The following BIN2 variants were observed in gnomAD, a reference collection of about 807,000 sequenced individuals.
BIN2 encodes the protein breast cancer associated protein BRAP1.
In BIN2, 43 loss-of-function variants were observed where a neutral mutation model predicts 67.9. The ratio of observed to expected loss-of-function variants is 0.63; its 90% CI spans 0.50 to 0.82. The LOEUF (loss-of-function observed/expected upper bound fraction) is 0.82. Ranked by LOEUF, BIN2 falls within the 40% of genes least tolerant of loss-of-function variation. BIN2 has a pLI of 0.00. For missense variants in BIN2, 581 were observed against 671.6 expected, an observed-to-expected ratio of 0.87 and a Z score of 1.49; for synonymous variants, 244 against 246.8, an observed-to-expected ratio of 0.99 and a Z score of 0.11.
intron 1 of BIN2, among the ~76,000 whole-genome samples, chr12:51,320,364 A>G (rs893815594): frequency 4.6e-5 from 7 of 152,262 alleles, no homozygotes; most frequent in Middle Eastern, 3.4e-3. Context: ...AGCTTTCCTT[A>G]AAAGGTCCTA....
chr12:51,297,184 C>T lies in BIN2; in HGVS notation c.603-20G>A, dbSNP rs1211090152. On this transcript the variant is annotated intron_variant, in intron 7 of 12. Transcript: ENST00000615107. ...ATACGACTATTAGGAAGCAAAACCACAAACACATACGAGTAAGGCATGGGA... is the reference window on the plus strand; with the variant it reads ...ATACGACTATTAGGAAGCAAAACCATAAACACATACGAGTAAGGCATGGGA... 2 of 1,601,410 alleles carry T rather than the reference C, an allele frequency of 1.2e-6. No homozygotes were observed. The highest frequency in any genetic ancestry group is 2.7e-5 in the African/African-American group (2 of 74,644).
At chr12:51,300,092 C>T (rs1447287327) in intron 5 of BIN2, among the ~76,000 whole-genome samples, 1 of 152,080 alleles carries the variant, frequency 6.6e-6, no homozygotes, top group African/African-American at 2.4e-5. Context: ...CCCACCTCGG[C>T]CTCCCAAAGT....
At chr12:51,316,692 A>T (rs1946143948) in intron 1 of BIN2, among the ~76,000 whole-genome samples, 1 of 152,026 alleles carries the variant, frequency 6.6e-6, no homozygotes, top group Non-Finnish European at 1.5e-5. Flanking sequence ...TCTTTCTAGA[A>T]TGCCTTTCCT....
rs1945411458 is a variant in BIN2 at position 51,292,355 on chromosome 12, A to G, written c.762-11T>C. 6.4e-7 allele frequency: 1 copy of G among 1,558,920 alleles called. No individual in the cohort carries two copies. ...GAGCGCCTGCTGCTGCTAAAAAAGG[A>G]AGGTGTTCAGATTCAGAACGGCTAA... On this transcript the variant is annotated splice_polypyrimidine_tract_variant and intron_variant, in intron 9 of 12. Transcript: ENST00000615107.
At chr12:51,303,844 A>G (rs907489327) in intron 2 of BIN2, among the ~76,000 whole-genome samples, 1 of 152,214 alleles carries the variant, frequency 6.6e-6, no homozygotes, top group African/African-American at 2.4e-5. Flanking sequence ...TGCTTTTGTT[A>G]TAACTCTGAC....
chr12:51,299,300 A>C lies in BIN2; in HGVS notation c.517-12T>G. ...AACTCTTCCTCTGCCTAGGTGGTAAAAGAGACAAGACAATCTCCCTCAATT... is the reference window on the plus strand; with the variant it reads ...AACTCTTCCTCTGCCTAGGTGGTAACAGAGACAAGACAATCTCCCTCAATT... On this transcript the variant is annotated splice_polypyrimidine_tract_variant and intron_variant, in intron 6 of 12. Transcript: ENST00000615107. 1.2e-6 allele frequency: 2 copies of C among 1,608,008 alleles called. No individual in the cohort carries two copies. Among genetic ancestry groups the C allele is most frequent in the Non-Finnish European group, 1.7e-6 (2 of 1,174,540 alleles).
At chr12:51,285,375 T>C (rs1336525626) in intron 11 of BIN2, among the ~76,000 whole-genome samples, 1 of 151,664 alleles carries the variant, frequency 6.6e-6, no homozygotes, top group Admixed American at 6.6e-5. Flanking sequence ...AGGCCAGGAG[T>C]ATCAAGGTTG....
chr12:51,303,217 G>T, intron 2 of BIN2, 76 bp from the exon 3 acceptor site: 1 of 1,447,124 alleles, frequency 6.9e-7, no homozygotes, highest in Non-Finnish European at 9.7e-7. Context: ...AAGTCAAAAA[G>T]TAGGTTAAGA....
chr12:51,285,335 C>T (rs990798194), intron 11 of BIN2, among the ~76,000 whole-genome samples: 1 of 152,084 alleles, frequency 6.6e-6, no homozygotes, highest in African/African-American at 2.4e-5. Context: ...GTCCCAGCTC[C>T]TTGAGAGGCT....
intron 1 of BIN2, 97 bp downstream of exon 1, chr12:51,323,925 G>A: frequency 2.0e-6 from 3 of 1,479,744 alleles, no homozygotes; most frequent in Non-Finnish European, 1.8e-6. Context: ...ACCCTTCGGG[G>A]CCCCTGAGCA....
At chr12:51,314,117 G>A (rs1592279394) in intron 1 of BIN2, among the ~76,000 whole-genome samples, 1 of 151,658 alleles carries the variant, frequency 6.6e-6, no homozygotes, top group East Asian at 1.9e-4. Flanking sequence ...GCACGATCTC[G>A]GCTCACTGCA....
At chr12:51,295,601 T>A (rs1489807884) in intron 9 of BIN2, among the ~76,000 whole-genome samples, 195 bp downstream of exon 9, 408 of 19,378 alleles carry the variant, frequency 0.021, 55 homozygotes, top group Middle Eastern at 0.038. Flanking sequence ...TATATATATA[T>A]ATATATATAT....
intron 11 of BIN2, among the ~76,000 whole-genome samples, chr12:51,286,291 T>C (rs1429785193): frequency 6.6e-6 from 1 of 152,172 alleles, no homozygotes; most frequent in Middle Eastern, 3.2e-3. Context: ...TAGGCTAGGA[T>C]CTAAGATGCT....
At chr12:51,312,420 C>T (rs566914810) in intron 2 of BIN2, among the ~76,000 whole-genome samples, 1 of 152,300 alleles carries the variant, frequency 6.6e-6, no homozygotes, top group Admixed American at 6.5e-5. Context: ...CATGTGTCTT[C>T]CTTTACCTCC....
intron 2 of BIN2, among the ~76,000 whole-genome samples, chr12:51,311,619 G>C (rs575450591): frequency 7.2e-5 from 11 of 152,146 alleles, no homozygotes; most frequent in Non-Finnish European, 1.5e-4. Context: ...AGGCTCAATT[G>C]ATTCTCCTGC....
intron 2 of BIN2, among the ~76,000 whole-genome samples, chr12:51,305,826 CTTTTTTTTTTTT>C (rs1168899685): frequency 7.3e-5 from 6 of 82,412 alleles, no homozygotes; most frequent in South Asian, 5.3e-4. Flanking sequence ...TGTTTTCTTT[CTTTTTTTTTTTT>C]TTTTTTTTTT....
rs1214100921 is a variant in BIN2, at chr12:51,292,234, T to C, written c.872A>G (p.Glu291Gly). The change falls in exon 10 of 13, where the codon GAA becomes GGA. Residue 291 changes from glutamate to glycine, a missense_variant. By Grantham distance (98) the Glu-to-Gly change is moderately conservative. Transcript: ENST00000615107. ...PSTLSLKSES[E>G]SVSATEDLAP... ...CAGATCTTCAGTTGCTGAGACAGAT[T>C]CACTCTCACTCTTCAAGGAAAGTGT... 2 of 1,607,020 alleles carry C rather than the reference T, an allele frequency of 1.2e-6. No individual in the cohort carries two copies. The highest frequency in any genetic ancestry group is 3.3e-5 in the Admixed American group (2 of 59,970).
At chr12:51,324,600 T>C, upstream of BIN2, 1 of 1,417,820 alleles carries the variant, frequency 7.1e-7, no homozygotes, top group Non-Finnish European at 9.3e-7. Context: ...GCTCTAAGCC[T>C]GGAACTGGTA....
intron 2 of BIN2, among the ~76,000 whole-genome samples, chr12:51,308,340 T>A (rs144114336): frequency 1.8e-3 from 267 of 152,336 alleles, no homozygotes; most frequent in African/African-American, 6.1e-3. Context: ...GCTCTCTGAA[T>A]CCTTGCCGAA....
Sources: allele counts gnomAD v4.1 joint callset (sites outside exome capture counted in the v4.1 genomes callset), GRCh38; gene constraint gnomAD v4.1.1; transcripts MANE v1.5; gene names NCBI Gene and HGNC (gene_info 2026-07-23, HGNC 2026-07-21).